CDK6: variants seen among roughly 807,000 people sequenced by gnomAD.
The protein encoded by CDK6 is cyclin-dependent kinase 6.
Under a neutral mutation model 37.1 loss-of-function variants are expected in CDK6, and 6 were observed. The observed-to-expected ratio is 0.16, with a 90% CI of 0.09 to 0.32. The LOEUF (loss-of-function observed/expected upper bound fraction) is 0.32. Ranked by LOEUF, CDK6 falls within the 10% of genes least tolerant of loss-of-function variation. The pLI, the probability that CDK6 is intolerant of heterozygous loss-of-function variation, is 1.00. For synonymous variants in CDK6, 160 were observed against 161.3 expected, an observed-to-expected ratio of 0.99 and a Z score of 0.06; for missense variants, 224 against 418.9, an observed-to-expected ratio of 0.53 and a Z score of 4.06.
chr7:92,725,225 T>C (rs534439252), intron 4 of CDK6: 86 of 985,320 alleles, frequency 8.7e-5, no homozygotes, highest in Non-Finnish European at 9.9e-5. Context: ...GTAGGCACTC[T>C]GTTTCTCAAA....
At chr7:92,729,749 T>C (rs759517141) in intron 3 of CDK6, among the ~76,000 whole-genome samples, 6 of 152,188 alleles carry the variant, frequency 3.9e-5, no homozygotes, top group Non-Finnish European at 7.3e-5. Flanking sequence ...CCTTCTTTTC[T>C]TTTTCTTTTC....
chr7:92,703,296 T>C (rs774586764), intron 4 of CDK6, among the ~76,000 whole-genome samples: 3 of 151,876 alleles, frequency 2.0e-5, no homozygotes, highest in Non-Finnish European at 2.9e-5. Context: ...TGGTATGCGA[T>C]GGGAGCTGAA....
Position 92,614,820 on chromosome 7 carries a change from C to T in CDK6, c.*320G>A, listed in dbSNP as rs1191496898. 2.7e-6 allele frequency: 1 copy of T among 369,000 alleles called. No homozygotes were observed. The highest frequency in any genetic ancestry group is 2.0e-5 in the African/African-American group (1 of 50,510). 22.9% of individuals were successfully genotyped at this position (369,000 alleles called of 1,614,324 possible). ...AGCTGTGCCTGGATTACCCACTCCA[C>T]ACTGGCAGCATTCAAGGTTAGAAAA... On this transcript the variant is annotated 3_prime_UTR_variant, in exon 8 of 8. Coordinates refer to ENST00000424848, the MANE Select transcript of CDK6 (RefSeq NM_001145306.2).
At chr7:92,763,574 T>C (rs1362438930) in intron 3 of CDK6, among the ~76,000 whole-genome samples, 1 of 152,242 alleles carries the variant, frequency 6.6e-6, no homozygotes, top group African/African-American at 2.4e-5. Context: ...AATGAGTAAG[T>C]ATTTTTCAAT....
At chr7:92,632,264 C>G (rs1796070445) in intron 5 of CDK6, among the ~76,000 whole-genome samples, 1 of 152,116 alleles carries the variant, frequency 6.6e-6, no homozygotes, top group South Asian at 2.1e-4. Flanking sequence ...AAAATAATCA[C>G]TAGACATTTT....
intron 4 of CDK6, among the ~76,000 whole-genome samples, chr7:92,724,449 C>T (rs185110262): frequency 6.6e-5 from 10 of 152,170 alleles, no homozygotes; most frequent in African/African-American, 1.9e-4. Context: ...ACTGGTCTTA[C>T]GTGTCTAGGT....
intron 2 of CDK6, among the ~76,000 whole-genome samples, chr7:92,802,053 G>A (rs1174942835): frequency 1.4e-5 from 2 of 141,826 alleles, no homozygotes; most frequent in East Asian, 4.5e-4. Context: ...TATATTCATG[G>A]GGAACAAGCG....
At chr7:92,788,417 T>C (rs73710481) in intron 2 of CDK6, among the ~76,000 whole-genome samples, 60 of 152,322 alleles carry the variant, frequency 3.9e-4, no homozygotes, top group African/African-American at 7.5e-4. Context: ...TTTTAGATAA[T>C]TGATTCTTAC....
At chr7:92,811,608 T>C (rs1356936637) in intron 2 of CDK6, among the ~76,000 whole-genome samples, 1 of 151,870 alleles carries the variant, frequency 6.6e-6, no homozygotes. Context: ...CCTATGTCCG[T>C]AGTACCTATG....
chr7:92,785,713 C>T (rs1406021274), intron 2 of CDK6, among the ~76,000 whole-genome samples: 2 of 152,162 alleles, frequency 1.3e-5, no homozygotes, highest in Non-Finnish European at 2.9e-5. Context: ...CCTCTGAATG[C>T]AGCACACCAT....
chr7:92,806,983 A>G (rs1800741620), intron 2 of CDK6, among the ~76,000 whole-genome samples: 1 of 152,204 alleles, frequency 6.6e-6, no homozygotes, highest in Admixed American at 6.5e-5. Flanking sequence ...GAGGTCAACA[A>G]TTTAAGATAA....
chr7:92,638,158 T>A (rs1041564658), intron 5 of CDK6, among the ~76,000 whole-genome samples: 1 of 152,250 alleles, frequency 6.6e-6, no homozygotes, highest in African/African-American at 2.4e-5. Context: ...TTTCTTTATA[T>A]GGAAATTTAT....
intron 7 of CDK6, 100 bp downstream of exon 7, chr7:92,617,972 T>C: frequency 8.3e-7 from 1 of 1,207,056 alleles, no homozygotes; most frequent in South Asian, 1.5e-5. Flanking sequence ...GTGATGCCTA[T>C]AGCAGCTACT....
Position 92,778,946 on chromosome 7 carries a change from T to TATATATATATAA in CDK6, c.234-4116_234-4115insTTATATATATAT, listed in dbSNP as rs1479181745. On this transcript the variant is annotated intron_variant, in intron 2 of 7. Coordinates refer to ENST00000424848, the MANE Select transcript of CDK6 (RefSeq NM_001145306.2). ...TATCATATATATATATATATATATA[T>TATATATATATAA]AAGATATTATAGTAATTTCCAAAAG... is the stretch of plus-strand genomic sequence containing the variant. 5.9e-3 allele frequency among the ~76,000 whole-genome samples: 796 copies of TATATATATATAA among 134,976 alleles called. 57 individuals are homozygous for TATATATATATAA. The highest frequency in any genetic ancestry group is 0.021 in the African/African-American group (711 of 33,532). The allele number at this position is 134,976 out of a possible 152,430, so 88.5% of individuals were successfully genotyped here.
rs111885414 is a variant in CDK6, at chr7:92,811,486, G to C, written c.233+21605C>G. 1.2e-4 allele frequency among the ~76,000 whole-genome samples: 18 copies of C among 152,058 alleles called. 1 individual carries two copies. The highest frequency in any genetic ancestry group is 4.1e-4 in the African/African-American group (17 of 41,476). ...AGAACAAACTGGGGTGGCTTCGAGT[G>C]AACAGTCTTGAGATTAAATGTGGAA... On this transcript the variant is annotated intron_variant, in intron 2 of 7. Coordinates refer to ENST00000424848, the MANE Select transcript of CDK6 (RefSeq NM_001145306.2).
At chr7:92,784,058 T>C (rs992039838) in intron 2 of CDK6, among the ~76,000 whole-genome samples, 2 of 152,108 alleles carry the variant, frequency 1.3e-5, no homozygotes, top group African/African-American at 2.4e-5. Context: ...CACTCTGTTA[T>C]GCTAACTACA....
At position 92,614,377 on chromosome 7, in the gene CDK6, T is replaced by C. The variant is rs1173542615; in HGVS notation, c.*763A>G. ...CATGATGTCATACAGAAGGTTAAAATAGACTTACAACAAGTAAATTCAGCA... is the reference window on the plus strand; with the variant it reads ...CATGATGTCATACAGAAGGTTAAAACAGACTTACAACAAGTAAATTCAGCA... On this transcript the variant is annotated 3_prime_UTR_variant, in exon 8 of 8. Transcript: ENST00000424848. 4.3e-6 allele frequency: 1 copy of C among 232,906 alleles called. No homozygotes were observed. The highest frequency in any genetic ancestry group is 2.2e-5 in the African/African-American group (1 of 45,294). The allele number at this position is 232,906 out of a possible 1,614,324, so 14.4% of individuals were successfully genotyped here.
intron 4 of CDK6, among the ~76,000 whole-genome samples, chr7:92,689,560 T>C (rs1797552070): frequency 1.3e-5 from 2 of 152,046 alleles, no homozygotes; most frequent in South Asian, 4.1e-4. Flanking sequence ...AAGAAAATGA[T>C]TCTTTGCTAT....
At chr7:92,751,515 T>C (rs1283854386) in intron 3 of CDK6, among the ~76,000 whole-genome samples, 1 of 152,130 alleles carries the variant, frequency 6.6e-6, no homozygotes, top group Non-Finnish European at 1.5e-5. Flanking sequence ...AAAGTAACCA[T>C]AAACAGGTAA....
Sources: gnomAD v4.1 joint callset for allele counts (sites outside exome capture counted in the v4.1 genomes callset) on GRCh38, gnomAD v4.1.1 for gene constraint, MANE v1.5 for transcripts, NCBI Gene and HGNC (gene_info 2026-07-23, HGNC 2026-07-21) for gene names.